SH3D19: variants seen among roughly 807,000 people sequenced by gnomAD.
SH3D19 encodes the protein SH3 domain-containing protein 19.
Under a neutral mutation model 112.1 loss-of-function variants are expected in SH3D19, and 58 were observed. That is an observed-to-expected ratio of 0.52 (90% CI 0.42 to 0.64). The LOEUF is 0.64. SH3D19 is among the 30% of genes least tolerant of loss of function. SH3D19 has a pLI of 0.00. For missense variants in SH3D19, 1,090 were observed against 1,263.4 expected (o/e 0.86, Z 2.08); for synonymous variants, 391 against 448.5 (o/e 0.87, Z 1.62).
At chr4:151,182,056 T>C (rs1420661081) in intron 3 of SH3D19, among the ~76,000 whole-genome samples, 1 of 152,052 alleles carries the variant, frequency 6.6e-6, no homozygotes, top group Non-Finnish European at 1.5e-5. Context: ...TGGCACAATA[T>C]TGGCTCACTG....
intron 1 of SH3D19, among the ~76,000 whole-genome samples, chr4:151,316,009 G>C (rs1380075809): frequency 6.6e-6 from 1 of 152,048 alleles, no homozygotes; most frequent in African/African-American, 2.4e-5. Context: ...TTGCAGTTGG[G>C]GAGGGAGAGT....
chr4:151,324,917 T>C lies in SH3D19; in HGVS notation c.112+324A>G, dbSNP rs116276679. Among the ~76,000 whole-genome samples, 826 of 152,068 alleles carry C rather than the reference T, an allele frequency of 5.4e-3. 10 individuals are homozygous for C. Among genetic ancestry groups the C allele is most frequent in the African/African-American group, 0.019 (794 of 41,494 alleles). On this transcript the variant is annotated intron_variant, in intron 1 of 19. Coordinates refer to ENST00000604030, the MANE Select transcript of SH3D19 (RefSeq NM_001378122.1). ...GTGTCGTTGTCCACCGAGACGGCCA[T>C]TGACCTCTGACTCATCCAGAGATAA...
At chr4:151,257,289 T>C (rs919496208) in intron 1 of SH3D19, among the ~76,000 whole-genome samples, 12 of 152,126 alleles carry the variant, frequency 7.9e-5, no homozygotes, top group Non-Finnish European at 1.8e-4. Context: ...GGTTTCACTA[T>C]GTTGGCCAGG....
At chr4:151,156,891 G>A (rs1191454162) in intron 9 of SH3D19, among the ~76,000 whole-genome samples, 1 of 152,112 alleles carries the variant, frequency 6.6e-6, no homozygotes, top group Non-Finnish European at 1.5e-5. Flanking sequence ...AGAATGGCAG[G>A]AAATATTTGC....
intron 1 of SH3D19, among the ~76,000 whole-genome samples, chr4:151,283,722 C>G (rs1342335401): frequency 1.3e-5 from 2 of 151,992 alleles, no homozygotes; most frequent in African/African-American, 4.8e-5. Context: ...TGAGGTCTCA[C>G]TATGTTGCCC....
intron 3 of SH3D19, among the ~76,000 whole-genome samples, chr4:151,181,078 C>CT (rs1760864066): frequency 6.6e-6 from 1 of 151,966 alleles, no homozygotes; most frequent in Non-Finnish European, 1.5e-5. Context: ...CGGCCTACCT[C>CT]TATTTTTCAT....
chr4:151,253,774 A>C (rs908408982), intron 1 of SH3D19, among the ~76,000 whole-genome samples: 1 of 151,904 alleles, frequency 6.6e-6, no homozygotes, highest in Non-Finnish European at 1.5e-5. Context: ...CAACAACAAC[A>C]ACAACAACAA....
At chr4:151,214,607 C>T (rs1423071674) in intron 2 of SH3D19, among the ~76,000 whole-genome samples, 3 of 98,854 alleles carry the variant, frequency 3.0e-5, no homozygotes, top group Non-Finnish European at 4.9e-5. Context: ...ACCTCCCTCC[C>T]GGACGGGGCG....
chr4:151,187,960 C>T (rs1446422592), intron 2 of SH3D19, among the ~76,000 whole-genome samples: 2 of 152,160 alleles, frequency 1.3e-5, no homozygotes, highest in East Asian at 1.9e-4. Context: ...ACTTTCCCCT[C>T]TCCCTCCCAG....
At chr4:151,184,734 T>C (rs1272925307) in intron 3 of SH3D19, among the ~76,000 whole-genome samples, 1 of 152,188 alleles carries the variant, frequency 6.6e-6, no homozygotes, top group Non-Finnish European at 1.5e-5. Flanking sequence ...TCCTTAACTC[T>C]GCCTCCTTCT....
At chr4:151,124,171 A>C (rs1159309587) in intron 19 of SH3D19, among the ~76,000 whole-genome samples, 2 of 151,634 alleles carry the variant, frequency 1.3e-5, no homozygotes, top group Non-Finnish European at 2.9e-5. Flanking sequence ...CAATGGCAAG[A>C]TCTCGGCTCA....
rs1451024622 is a variant in SH3D19 at position 151,211,784 on chromosome 4, A to G, written c.152+14263T>C. Among the ~76,000 whole-genome samples, 3 of 152,340 alleles carry G rather than the reference A, an allele frequency of 2.0e-5. No individual in the cohort carries two copies. In the South Asian group the frequency reaches 6.2e-4, roughly 32 times the overall value. On this transcript the variant is annotated intron_variant, in intron 2 of 19. Transcript: ENST00000604030. ...TCTCTTCAATTCTATGAAGGCTGAGATAAGTAAGGAAACTGCAAACTGCAC... is the reference window on the plus strand; with the variant it reads ...TCTCTTCAATTCTATGAAGGCTGAGGTAAGTAAGGAAACTGCAAACTGCAC...
chr4:151,273,400 C>T (rs942286896), intron 1 of SH3D19, among the ~76,000 whole-genome samples: 24 of 151,756 alleles, frequency 1.6e-4, no homozygotes, highest in African/African-American at 5.3e-4. Context: ...ACCATCCTGG[C>T]TAACATGGTG....
Position 151,165,489 on chromosome 4 carries a change from G to A in SH3D19, c.1642+100C>T, listed in dbSNP as rs1350091205. The A allele has an allele frequency of 6.7e-6, 6 of 900,990 alleles. No homozygotes were observed. In the East Asian group the frequency reaches 1.0e-4, roughly 15 times the overall value. 55.8% of individuals were successfully genotyped at this position (900,990 alleles called of 1,614,324 possible). A position where few individuals can be genotyped will look rare whatever the true frequency, so the allele number is the denominator to read the frequency against. On this transcript the variant is annotated intron_variant, in intron 8 of 19. Coordinates refer to ENST00000604030, the MANE Select transcript of SH3D19 (RefSeq NM_001378122.1). Reference sequence around the variant, plus strand: ...CTTTTAAATAGCTTTGACTATGAATGGCAGATTATACATAATTTCAAAAGC... The same window carrying A: ...CTTTTAAATAGCTTTGACTATGAATAGCAGATTATACATAATTTCAAAAGC...
chr4:151,272,857 G>A (rs1477068620), intron 1 of SH3D19, among the ~76,000 whole-genome samples: 2 of 151,800 alleles, frequency 1.3e-5, no homozygotes, highest in African/African-American at 4.8e-5. Context: ...AGAGTGATCA[G>A]AGGGTTCAAA....
At chr4:151,323,306 G>A (rs927507353) in intron 1 of SH3D19, among the ~76,000 whole-genome samples, 1 of 152,090 alleles carries the variant, frequency 6.6e-6, no homozygotes, top group Non-Finnish European at 1.5e-5. Flanking sequence ...CTGAGAACAG[G>A]AAAAGTGAAA....
At chr4:151,314,010 C>G (rs1729753646) in intron 1 of SH3D19, among the ~76,000 whole-genome samples, 1 of 152,132 alleles carries the variant, frequency 6.6e-6, no homozygotes, top group South Asian at 2.1e-4. Flanking sequence ...TTGTTCTTGG[C>G]CAGCTCTCAG....
intron 1 of SH3D19, among the ~76,000 whole-genome samples, chr4:151,255,521 G>A (rs1159193271): frequency 6.6e-6 from 1 of 151,618 alleles, no homozygotes; most frequent in Non-Finnish European, 1.5e-5. Context: ...CGGCCGGGCG[G>A]AGACGCTCCT....
intron 1 of SH3D19, among the ~76,000 whole-genome samples, chr4:151,236,355 T>C (rs987134499): frequency 4.6e-5 from 7 of 152,228 alleles, no homozygotes; most frequent in Admixed American, 6.5e-5. Flanking sequence ...CTGGGCTTGA[T>C]TGGGGGATGA....
Sources: allele counts gnomAD v4.1 joint callset (sites outside exome capture counted in the v4.1 genomes callset), GRCh38; gene constraint gnomAD v4.1.1; transcripts MANE v1.5; gene names NCBI Gene and HGNC (gene_info 2026-07-23, HGNC 2026-07-21).